KANK1: variants seen among roughly 807,000 people sequenced by gnomAD.
KANK1 encodes KN motif and ankyrin repeat domain-containing protein 1.
In KANK1, 109 loss-of-function variants were observed where a neutral mutation model predicts 106.2. The observed-to-expected ratio is 1.03, with a 90% CI of 0.88 to 1.20. The LOEUF (loss-of-function observed/expected upper bound fraction) is 1.20. Among genes scored for constraint, KANK1 ranks in the 50% most tolerant of loss-of-function variants. KANK1 has a pLI of 0.00. For synonymous variants in KANK1, 873 were observed against 652.2 expected, an observed-to-expected ratio of 1.34 and a Z score of -5.16; for missense variants, 2,399 against 1,710.7, an observed-to-expected ratio of 1.40 and a Z score of -7.10.
At chr9:518,516 G>T (rs1028381894) in intron 1 of KANK1, among the ~76,000 whole-genome samples, 1 of 151,688 alleles carries the variant, frequency 6.6e-6, no homozygotes, top group African/African-American at 2.4e-5. Flanking sequence ...ATGGGTTCTA[G>T]AATCGAAACT....
At chr9:692,390 A>C (rs1014535549) in intron 2 of KANK1, among the ~76,000 whole-genome samples, 1 of 152,220 alleles carries the variant, frequency 6.6e-6, no homozygotes, top group Non-Finnish European at 1.5e-5. Context: ...AAAAATAACA[A>C]ACTAAAAACA....
At chr9:528,687 C>T (rs280230) in intron 1 of KANK1, among the ~76,000 whole-genome samples, 1 of 151,988 alleles carries the variant, frequency 6.6e-6, no homozygotes, top group Non-Finnish European at 1.5e-5. Context: ...CTGGTTTCAC[C>T]ATGTTGGCCA....
intron 2 of KANK1, 45 bp downstream of exon 2, chr9:677,054 C>G: frequency 1.3e-6 from 2 of 1,558,032 alleles, no homozygotes; most frequent in African/African-American, 1.4e-5. Flanking sequence ...TATGTCTTTT[C>G]TCAAACTAAT....
chr9:541,550 A>G (rs191357526), intron 1 of KANK1, among the ~76,000 whole-genome samples: 1 of 152,332 alleles, frequency 6.6e-6, no homozygotes, highest in Admixed American at 6.5e-5. Flanking sequence ...GCTTCTTGAC[A>G]TTAGCCTGGG....
In KANK1 at chr9:712,408, G is replaced by A. The variant is rs1826399330; in HGVS notation, c.1642G>A (p.Gly548Ser). The change falls in exon 3 of 12, where the codon GGC (glycine) becomes AGC (serine). Residue 548 changes from glycine to serine, a missense_variant. Coordinates refer to ENST00000382297, the MANE Select transcript of KANK1 (RefSeq NM_015158.5). Reference sequence around the variant, plus strand: ...GACCTCCGTGGAAACAAACAGTGTAGGCATCTCCTGCCAGCCTGAATGTAA... The same window carrying A: ...GACCTCCGTGGAAACAAACAGTGTAAGCATCTCCTGCCAGCCTGAATGTAA... ...VGTSVETNSV[G>S]ISCQPECKNK... 1.5e-5 allele frequency: 25 copies of A among 1,614,152 alleles called. No individual in the cohort carries two copies. The highest frequency in any genetic ancestry group is 2.1e-5 in the Non-Finnish European group (25 of 1,180,036).
At chr9:738,149 G>A (rs1395138114) in intron 7 of KANK1, 136 bp from the exon 8 acceptor site, 6 of 668,948 alleles carry the variant, frequency 9.0e-6, no homozygotes, top group Admixed American at 2.8e-5. Context: ...CTTCTCTTAG[G>A]GCTGTTGGTT....
At chr9:497,967 G>A (rs570462743) in intron 3 of KANK1, among the ~76,000 whole-genome samples, 34 of 152,174 alleles carry the variant, frequency 2.2e-4, no homozygotes, top group African/African-American at 5.8e-4. Context: ...GGGATCTCTC[G>A]CTGGGGTGTC....
intron 3 of KANK1, among the ~76,000 whole-genome samples, chr9:717,793 GA>G (rs1564068739): frequency 6.6e-6 from 1 of 151,954 alleles, no homozygotes; most frequent in East Asian, 1.9e-4. Flanking sequence ...AGAGGAGAGA[GA>G]AAATTCCAGA....
chr9:720,654 C>G (rs79064436), intron 3 of KANK1, among the ~76,000 whole-genome samples: 3 of 152,310 alleles, frequency 2.0e-5, no homozygotes, highest in African/African-American at 7.2e-5. Flanking sequence ...ATGCACCCAG[C>G]CTGTTTTTTG....
At chr9:688,080 C>T (rs1315119327) in intron 2 of KANK1, among the ~76,000 whole-genome samples, 12 of 152,210 alleles carry the variant, frequency 7.9e-5, no homozygotes, top group Non-Finnish European at 1.6e-4. Context: ...GGCCTGAGCC[C>T]TGCCAGTTGC....
chr9:578,228 G>C (rs1821108243), intron 1 of KANK1, among the ~76,000 whole-genome samples: 2 of 152,114 alleles, frequency 1.3e-5, no homozygotes, highest in African/African-American at 2.4e-5. Flanking sequence ...TGTTTTATTT[G>C]CTTCAAACAA....
At chr9:574,826 A>C (rs375969361) in intron 1 of KANK1, among the ~76,000 whole-genome samples, 2 of 150,202 alleles carry the variant, frequency 1.3e-5, no homozygotes, top group East Asian at 3.9e-4. Flanking sequence ...CTGCACTCCA[A>C]CTTAGGTGAC....
At chr9:635,273 C>A (rs1347033359) in intron 1 of KANK1, among the ~76,000 whole-genome samples, 3 of 152,158 alleles carry the variant, frequency 2.0e-5, no homozygotes, top group South Asian at 2.1e-4. Context: ...CCCAGCCCCC[C>A]AGGCCTATAC....
At chr9:656,102 G>T (rs909840061) in intron 1 of KANK1, among the ~76,000 whole-genome samples, 6 of 152,200 alleles carry the variant, frequency 3.9e-5, no homozygotes, top group African/African-American at 1.4e-4. Flanking sequence ...CAGGCTCTGG[G>T]AGCCAGTCTT....
At chr9:521,565 CT>C (rs35143391) in intron 1 of KANK1, among the ~76,000 whole-genome samples, 25,861 of 118,602 alleles carry the variant, frequency 0.22, 2,013 homozygotes, top group Admixed American at 0.28. Flanking sequence ...CCTCCAGATT[CT>C]TTTTTTTTTT....
intron 3 of KANK1, among the ~76,000 whole-genome samples, chr9:728,759 C>G (rs138418871): frequency 1.3e-5 from 2 of 152,336 alleles, no homozygotes; most frequent in African/African-American, 2.4e-5. Context: ...AACCCCTTAT[C>G]TTAACCCAGA....
intron 2 of KANK1, among the ~76,000 whole-genome samples, chr9:686,018 G>C (rs1818469330): frequency 6.6e-6 from 1 of 152,154 alleles, no homozygotes; most frequent in Non-Finnish European, 1.5e-5. Context: ...TCTCCAGGAA[G>C]AAAGGGGGAA....
chr9:516,803 G>A (rs919485196), intron 1 of KANK1, among the ~76,000 whole-genome samples: 21 of 151,642 alleles, frequency 1.4e-4, no homozygotes, highest in Non-Finnish European at 2.2e-4. Flanking sequence ...TGAAGCTATT[G>A]ATTCACTAGT....
chr9:524,568 A>G (rs1310957719), intron 1 of KANK1, among the ~76,000 whole-genome samples: 1 of 151,720 alleles, frequency 6.6e-6, no homozygotes, highest in Non-Finnish European at 1.5e-5. Flanking sequence ...CCCAGGCTGA[A>G]GTGCAGTGCT....
Sources: gnomAD v4.1 joint callset for allele counts (sites outside exome capture counted in the v4.1 genomes callset) on GRCh38, gnomAD v4.1.1 for gene constraint, MANE v1.5 for transcripts, NCBI Gene and HGNC (gene_info 2026-07-23, HGNC 2026-07-21) for gene names.